Variants in TEX11 observed in about 807,000 individuals in gnomAD.
The protein encoded by TEX11 is testis-expressed protein 11.
In TEX11, 7 loss-of-function variants were observed where a neutral mutation model predicts 84.4. That is an observed-to-expected ratio of 0.08 (90% CI 0.05 to 0.16). The LOEUF is 0.16. TEX11 is among the 10% of genes least tolerant of loss of function. The pLI, the probability that TEX11 is intolerant of heterozygous loss-of-function variation, is 1.00. For synonymous variants in TEX11, 264 were observed against 222.8 expected (o/e 1.18, Z -1.64); for missense variants, 551 against 660.5 (o/e 0.83, Z 1.82).
intron 9 of TEX11, among the ~76,000 whole-genome samples, chrX:70,800,326 T>C (rs1040632833): frequency 9.0e-5 from 10 of 111,004 alleles, no homozygotes; most frequent in Admixed American, 1.9e-4. Context: ...AAATAATCTG[T>C]ACAACAAACT....
intron 8 of TEX11, among the ~76,000 whole-genome samples, chrX:70,813,562 C>A (rs937504962): frequency 4.5e-5 from 5 of 110,847 alleles, no homozygotes; most frequent in African/African-American, 1.6e-4. Flanking sequence ...CCTCTCTCAC[C>A]ACTCCTATTC....
intron 12 of TEX11, among the ~76,000 whole-genome samples, chrX:70,723,446 A>C (rs1194517815): frequency 8.9e-6 from 1 of 112,036 alleles, no homozygotes; most frequent in African/African-American, 3.2e-5. Flanking sequence ...GAAAAATTAG[A>C]AAGCAAACTT....
chrX:70,680,842 A>G (rs758492189), intron 14 of TEX11, among the ~76,000 whole-genome samples: 11 of 112,023 alleles, frequency 9.8e-5, no homozygotes, highest in Admixed American at 2.8e-4. Flanking sequence ...TTAGATCATC[A>G]TCTGGTGCCT....
chrX:70,590,324 T>A (rs775855949), intron 25 of TEX11, among the ~76,000 whole-genome samples: 2 of 111,901 alleles, frequency 1.8e-5, no homozygotes, highest in Non-Finnish European at 3.8e-5. Flanking sequence ...ATACTCAAAC[T>A]GCCAAAGACA....
At chrX:70,657,747 A>G (rs895043838) in intron 16 of TEX11, among the ~76,000 whole-genome samples, 1 of 109,389 alleles carries the variant, frequency 9.1e-6, no homozygotes, top group African/African-American at 3.3e-5. Flanking sequence ...ATGCAGCCAT[A>G]AAAAAGGATG....
intron 15 of TEX11, among the ~76,000 whole-genome samples, chrX:70,671,524 T>G (rs1050141695): frequency 1.8e-5 from 2 of 110,342 alleles, no homozygotes; most frequent in African/African-American, 6.6e-5. Flanking sequence ...TTTAAGAAAA[T>G]TATTCAGCAA....
At chrX:70,763,412 G>C (rs891176956) in intron 9 of TEX11, among the ~76,000 whole-genome samples, 3 of 110,694 alleles carry the variant, frequency 2.7e-5, no homozygotes, top group Admixed American at 9.7e-5. Flanking sequence ...AAAAACATAA[G>C]AATGATATGA....
intron 17 of TEX11, 146 bp downstream of exon 17, chrX:70,651,304 T>G (rs892956178): frequency 2.0e-5 from 7 of 341,780 alleles, no homozygotes; most frequent in African/African-American, 7.9e-5. Flanking sequence ...TCTTTTTGCA[T>G]TGTTGTATCA....
At chrX:70,700,767 T>C (rs1293611378) in intron 13 of TEX11, among the ~76,000 whole-genome samples, 1 of 112,348 alleles carries the variant, frequency 8.9e-6, no homozygotes, top group Non-Finnish European at 1.9e-5. Context: ...AACAGCCAAA[T>C]TGCGACTGCA....
intron 25 of TEX11, among the ~76,000 whole-genome samples, chrX:70,586,243 T>TTC (rs780389817): frequency 1.3e-4 from 15 of 112,143 alleles, no homozygotes; most frequent in Non-Finnish European, 2.3e-4. Flanking sequence ...TAGGAATAAA[T>TTC]CTTCATGACT....
intron 13 of TEX11, among the ~76,000 whole-genome samples, chrX:70,689,735 A>C (rs972798003): frequency 3.6e-5 from 4 of 112,172 alleles, no homozygotes; most frequent in African/African-American, 1.3e-4. Flanking sequence ...GAGAAGAGAC[A>C]AATTTCCCAT....
At chrX:70,904,047 T>A (rs1261186373) in intron 2 of TEX11, among the ~76,000 whole-genome samples, 2 of 93,419 alleles carry the variant, frequency 2.1e-5, no homozygotes, top group Non-Finnish European at 4.2e-5. Context: ...CTCAAACTCA[T>A]GGGCTCAAGT....
intron 15 of TEX11, among the ~76,000 whole-genome samples, chrX:70,677,663 T>A (rs1000913966): frequency 1.8e-5 from 2 of 111,169 alleles, no homozygotes; most frequent in African/African-American, 6.5e-5. Context: ...AAATTCTGGC[T>A]GCCTTGGTCT....
intron 20 of TEX11, among the ~76,000 whole-genome samples, chrX:70,612,587 C>A (rs774708183): frequency 6.8e-5 from 7 of 102,609 alleles, no homozygotes; most frequent in African/African-American, 2.5e-4. Context: ...AAAAAAAAAT[C>A]TCTGCCCTTG....
At chrX:70,633,554 A>G (rs57072020) in intron 17 of TEX11, among the ~76,000 whole-genome samples, 9,723 of 111,880 alleles carry the variant, frequency 0.087, 926 homozygotes, top group African/African-American at 0.27. Context: ...GCAAGAAAAA[A>G]ATAAATTGCA....
intron 25 of TEX11, among the ~76,000 whole-genome samples, chrX:70,571,311 G>C (rs2088595177): frequency 8.9e-6 from 1 of 111,985 alleles, no homozygotes; most frequent in Non-Finnish European, 1.9e-5. Flanking sequence ...GAGCCACTGT[G>C]CCCAGCCTGA....
intron 13 of TEX11, among the ~76,000 whole-genome samples, chrX:70,704,289 A>G (rs1187429225): frequency 1.8e-5 from 2 of 110,858 alleles, no homozygotes; most frequent in African/African-American, 6.6e-5. Flanking sequence ...TAAATTACCC[A>G]GCCTCAAGTA....
chrX:70,563,610 T>C (rs931880352), intron 25 of TEX11, among the ~76,000 whole-genome samples: 6 of 111,571 alleles, frequency 5.4e-5, no homozygotes, highest in African/African-American at 2.0e-4. Flanking sequence ...CTGACATCAG[T>C]GAGAAAGTGT....
intron 16 of TEX11, among the ~76,000 whole-genome samples, chrX:70,660,614 G>A (rs902953784): frequency 1.6e-4 from 18 of 112,042 alleles, no homozygotes; most frequent in African/African-American, 5.8e-4. Flanking sequence ...AAGTCCTCAG[G>A]GGCAATAACA....
Sources: allele counts gnomAD v4.1 joint callset (sites outside exome capture counted in the v4.1 genomes callset), GRCh38; gene constraint gnomAD v4.1.1; transcripts MANE v1.5; gene names NCBI Gene and HGNC (gene_info 2026-07-23, HGNC 2026-07-21).